ORC2: variants seen among roughly 807,000 people sequenced by gnomAD.
The protein encoded by ORC2 is origin recognition complex subunit 2, also known as origin recognition complex protein 2 homolog.
A neutral mutation model predicts 77.7 loss-of-function variants in ORC2; 37 were observed. That is an observed-to-expected ratio of 0.48 (90% CI 0.37 to 0.63). The LOEUF (loss-of-function observed/expected upper bound fraction) is 0.63. Ranked by LOEUF, ORC2 falls within the 20% of genes least tolerant of loss-of-function variation. ORC2 has a pLI of 0.00. For missense variants in ORC2, 557 were observed against 661.9 expected (o/e 0.84, Z 1.74); for synonymous variants, 201 against 229.5 (o/e 0.88, Z 1.12).
chr2:200,942,710 C>T lies in ORC2; in HGVS notation c.396G>A (p.Thr132=), dbSNP rs773851539. 41 of 1,606,646 alleles carry T rather than the reference C, an allele frequency of 2.6e-5. No individual in the cohort carries two copies. The highest frequency in any genetic ancestry group is 3.1e-5 in the Non-Finnish European group (36 of 1,175,684). Reference sequence around the variant, plus strand: ...CCTTGCTACTTTGAGGAACGTTTATCGTAATCTCAGGATCATTCTTCAAAC... The same window carrying T: ...CCTTGCTACTTTGAGGAACGTTTATTGTAATCTCAGGATCATTCTTCAAAC... ...SFSLKNDPEI[T]INVPQSSKGH... is the part of the protein sequence containing the mutation. The change falls in exon 6 of 18, where the codon ACG becomes ACA. Residue 132 remains threonine, a synonymous_variant. Coordinates refer to ENST00000234296, the MANE Select transcript of ORC2 (RefSeq NM_006190.5).
At chr2:200,927,622 G>A (rs937642360) in intron 11 of ORC2, among the ~76,000 whole-genome samples, 8 of 150,336 alleles carry the variant, frequency 5.3e-5, no homozygotes, top group African/African-American at 1.5e-4. Flanking sequence ...CACGGAAGGC[G>A]GAGCTTGCAG....
chr2:200,926,761 A>T lies in ORC2; in HGVS notation c.1050+7T>A. On this transcript the variant is annotated splice_region_variant and intron_variant, in intron 12 of 17. Transcript: ENST00000234296. Reference sequence around the variant, plus strand: ...ATGTTTTTCCCTTTAACATTTTTGAAACTTACTGATTTCACACTGATTCCA... The same window carrying T: ...ATGTTTTTCCCTTTAACATTTTTGATACTTACTGATTTCACACTGATTCCA... The T allele has an allele frequency of 6.2e-7, 1 of 1,613,432 alleles. No individual in the cohort carries two copies. Among genetic ancestry groups the T allele is most frequent in the Non-Finnish European group, 8.5e-7 (1 of 1,179,626 alleles).
At chr2:200,931,661 A>T (rs1467072232) in intron 10 of ORC2, among the ~76,000 whole-genome samples, 1 of 152,192 alleles carries the variant, frequency 6.6e-6, no homozygotes, top group Non-Finnish European at 1.5e-5. Context: ...TCTTTTTAGT[A>T]ATAACAGTAA....
intron 5 of ORC2, among the ~76,000 whole-genome samples, chr2:200,946,366 A>G (rs1421781003): frequency 2.0e-5 from 3 of 152,114 alleles, no homozygotes; most frequent in African/African-American, 7.2e-5. Context: ...AAGGCATTCT[A>G]TTTTACTGAT....
intron 4 of ORC2, among the ~76,000 whole-genome samples, chr2:200,952,178 A>G (rs1412666635): frequency 6.6e-6 from 1 of 151,920 alleles, no homozygotes; most frequent in Non-Finnish European, 1.5e-5. Flanking sequence ...ATTTATGGAG[A>G]ACTTGTTACT....
At chr2:200,946,434 A>T (rs2041251140) in intron 5 of ORC2, among the ~76,000 whole-genome samples, 1 of 152,246 alleles carries the variant, frequency 6.6e-6, no homozygotes, top group South Asian at 2.1e-4. Flanking sequence ...AAATTCATTA[A>T]AGAGCATCAT....
chr2:200,911,470 G>T (rs1431230145), intron 17 of ORC2, 83 bp from the exon 18 acceptor site: 2 of 715,298 alleles, frequency 2.8e-6, no homozygotes, highest in Admixed American at 5.4e-5. Context: ...AAGAAAAAAT[G>T]AATTTATTTC....
chr2:200,950,873 T>C (rs1044617645), intron 4 of ORC2, among the ~76,000 whole-genome samples: 2 of 152,214 alleles, frequency 1.3e-5, no homozygotes, highest in Admixed American at 6.5e-5. Flanking sequence ...TGTCAAACAA[T>C]GGGTATAAAC....
At position 200,957,440 on chromosome 2, in the gene ORC2, C is replaced by G. The variant is rs750932319; in HGVS notation, c.199G>C (p.Asp67His). 1 of 1,609,984 alleles carries G rather than the reference C, an allele frequency of 6.2e-7. No homozygotes were observed. Among genetic ancestry groups the G allele is most frequent in the Admixed American group, 1.7e-5 (1 of 59,424 alleles). The change falls in exon 4 of 18, where the codon GAT becomes CAT. Residue 67 changes from aspartate (D) to histidine (H), a missense_variant. Physicochemically the swap from Asp to His is moderately conservative, Grantham distance 81. Transcript: ENST00000234296. ...CCCATAATTTCCACATAGTTCTGAT[C>G]TTTTAAGACCTCCTGGTCATCTTCC... Reference protein sequence around the residue: ...LEEDDQEVLKDQNYVEIMGRD... With the variant: ...LEEDDQEVLKHQNYVEIMGRD...
chr2:200,916,455 A>C (rs973535044), intron 15 of ORC2, among the ~76,000 whole-genome samples: 3 of 151,986 alleles, frequency 2.0e-5, no homozygotes, highest in African/African-American at 7.2e-5. Flanking sequence ...ACTGCACTCC[A>C]GCCTTGGCGA....
chr2:200,955,377 G>C (rs2041449276), intron 4 of ORC2, among the ~76,000 whole-genome samples: 1 of 152,066 alleles, frequency 6.6e-6, no homozygotes. Context: ...TCTATACATG[G>C]AGTATATGAC....
chr2:200,954,900 GAATGAATA>G (rs1345105656), intron 4 of ORC2, among the ~76,000 whole-genome samples: 34 of 138,422 alleles, frequency 2.5e-4, no homozygotes, highest in East Asian at 1.8e-3. Flanking sequence ...ATGAATGAAT[GAATGAATA>G]AATAAATAAA....
At position 200,909,314 on chromosome 2, in the gene ORC2, C is replaced by T. The variant is rs916620489; in HGVS notation, c.*1987G>A. Reference sequence around the variant, plus strand: ...GGTGGATCAGGGAGTGGGCAGGAAACTCACTTTCACTGAATATCCTTTGGT... The same window carrying T: ...GGTGGATCAGGGAGTGGGCAGGAAATTCACTTTCACTGAATATCCTTTGGT... On this transcript the variant is annotated 3_prime_UTR_variant, in exon 18 of 18. Transcript: ENST00000234296. The T allele has an allele frequency of 2.0e-5, 3 of 152,180 alleles. No homozygotes were observed. The East Asian group carries it at 5.8e-4, about 29-fold the overall frequency. 9.4% of individuals were successfully genotyped at this position (152,180 alleles called of 1,614,324 possible).
rs765101298 is a variant in ORC2 at position 200,911,274 on chromosome 2, T to C, written c.*27A>G. The C allele has an allele frequency of 7.2e-7, 1 of 1,385,050 alleles. No individual in the cohort carries two copies. The highest frequency in any genetic ancestry group is 1.0e-6 in the Non-Finnish European group (1 of 971,722). 85.8% of individuals were successfully genotyped at this position (1,385,050 alleles called of 1,614,324 possible). A position where few individuals can be genotyped will look rare whatever the true frequency, so the allele number is the denominator to read the frequency against. On this transcript the variant is annotated 3_prime_UTR_variant, in exon 18 of 18. Transcript: ENST00000234296. ...TGGCAGCTGGGGTACAACCCTTCCA[T>C]GGGAGATTCAAGAATAAAGGAAAGC...
intron 15 of ORC2, among the ~76,000 whole-genome samples, chr2:200,915,400 C>G (rs1244023824): frequency 2.0e-5 from 3 of 152,044 alleles, no homozygotes; most frequent in Non-Finnish European, 2.9e-5. Flanking sequence ...TACCATTTCC[C>G]TATTGGTTTG....
At chr2:200,918,060 A>G (rs1262548619) in intron 15 of ORC2, among the ~76,000 whole-genome samples, 1 of 152,106 alleles carries the variant, frequency 6.6e-6, no homozygotes, top group Non-Finnish European at 1.5e-5. Flanking sequence ...TCATACTGAT[A>G]TATACATTTG....
rs559423691 is a variant in ORC2 at position 200,943,852 on chromosome 2, T to A, written c.329-1075A>T. Reference sequence around the variant, plus strand: ...TGATATTAATTCCTCCATTTGAGTCTTATGACATTATCCTGGTTCCCAAGC... The same window carrying A: ...TGATATTAATTCCTCCATTTGAGTCATATGACATTATCCTGGTTCCCAAGC... On this transcript the variant is annotated intron_variant, in intron 5 of 17. Coordinates refer to ENST00000234296, the MANE Select transcript of ORC2 (RefSeq NM_006190.5). Among the ~76,000 whole-genome samples the A allele has an allele frequency of 8.5e-4, 130 of 152,138 alleles. 1 individual carries two copies. In the South Asian group the frequency reaches 0.027, roughly 31 times the overall value.
At chr2:200,920,003 A>G (rs1421092298) in intron 15 of ORC2, among the ~76,000 whole-genome samples, 3 of 152,224 alleles carry the variant, frequency 2.0e-5, no homozygotes, top group Non-Finnish European at 4.4e-5. Context: ...GAAATATCAA[A>G]GAAATAAAAA....
chr2:200,942,646 T>C (rs754966622), intron 6 of ORC2, 39 bp downstream of exon 6: 2 of 1,103,714 alleles, frequency 1.8e-6, no homozygotes, highest in South Asian at 3.0e-5. Context: ...TTGAAGCAAC[T>C]ATGAAAATTC....
Sources: allele counts gnomAD v4.1 joint callset (sites outside exome capture counted in the v4.1 genomes callset), GRCh38; gene constraint gnomAD v4.1.1; transcripts MANE v1.5; gene names NCBI Gene and HGNC (gene_info 2026-07-23, HGNC 2026-07-21).